NR2E1: variants seen among roughly 807,000 people sequenced by gnomAD.
The protein encoded by NR2E1 is nuclear receptor TLX.
NR2E1 carries 5 observed loss-of-function variants against 43.6 expected under a neutral mutation model. The ratio of observed to expected loss-of-function variants is 0.11; its 90% CI spans 0.06 to 0.24. The LOEUF (loss-of-function observed/expected upper bound fraction) is 0.24, where lower values mean the gene tolerates loss of function less well. Among genes scored for constraint, NR2E1 ranks in the 10% least tolerant of loss-of-function variants. The pLI is 1.00. For missense variants in NR2E1, 287 were observed against 496.7 expected, an observed-to-expected ratio of 0.58 and a Z score of 4.01; for synonymous variants, 191 against 195.5, an observed-to-expected ratio of 0.98 and a Z score of 0.19.
At chr6:108,167,371 C>T (rs1232958093) in intron 1 of NR2E1, among the ~76,000 whole-genome samples, 3 of 152,136 alleles carry the variant, frequency 2.0e-5, no homozygotes, top group Non-Finnish European at 2.9e-5. Context: ...GGACCAAATC[C>T]CTAATCCCAA....
At chr6:108,179,186 A>T (rs1199012367) in intron 5 of NR2E1, 1 of 152,250 alleles carries the variant, frequency 6.6e-6, no homozygotes, top group Non-Finnish European at 1.5e-5. Flanking sequence ...ATTTTCTAGC[A>T]TGAGATGTTC....
rs191711221 is a variant in NR2E1 at position 108,166,211 on chromosome 6, C to T, written c.-555C>T. 4.1e-3 allele frequency: 622 copies of T among 152,868 alleles called. 3 individuals are homozygous for T. The highest frequency in any genetic ancestry group is 7.3e-3 in the Admixed American group (111 of 15,310). The allele number at this position is 152,868 out of a possible 1,614,324, so 9.5% of individuals were successfully genotyped here. A position where few individuals can be genotyped will look rare whatever the true frequency, so the allele number is the denominator to read the frequency against. On this transcript the variant is annotated 5_prime_UTR_variant, in exon 1 of 9. Transcript: ENST00000368986. The surrounding 1 kb of genome is among the most constrained non-coding windows in gnomAD (Gnocchi z 7.2). ...GAAGATTTCCCAGCAATCTAGTTTT[C>T]CCACTCTGCGCTTGGGTTCCGGCAG...
intron 5 of NR2E1, among the ~76,000 whole-genome samples, chr6:108,178,529 A>C (rs1443982891): frequency 6.6e-6 from 1 of 152,226 alleles, no homozygotes; most frequent in Non-Finnish European, 1.5e-5. Context: ...TGGAACAGCA[A>C]ATATAATCTC....
At chr6:108,173,759 TTC>T (rs1472504438) in intron 2 of NR2E1, among the ~76,000 whole-genome samples, 1 of 152,216 alleles carries the variant, frequency 6.6e-6, no homozygotes, top group Non-Finnish European at 1.5e-5. Flanking sequence ...CTTAAATATT[TTC>T]TGTGTATAAA....
intron 1 of NR2E1, chr6:108,167,990 T>C (rs927291263): frequency 1.3e-6 from 2 of 1,558,788 alleles, no homozygotes; most frequent in Admixed American, 2.0e-5. Context: ...TTTAAAAAAT[T>C]AGAGCAAAAT....
At chr6:108,183,645 G>A (rs1774027174) in intron 8 of NR2E1, among the ~76,000 whole-genome samples, 1 of 152,158 alleles carries the variant, frequency 6.6e-6, no homozygotes, top group South Asian at 2.1e-4. Flanking sequence ...TCCATTTGGG[G>A]TGATACCACT....
rs1344022162 is a variant in NR2E1 at position 108,180,989 on chromosome 6, TC to T, written c.889+37del. 9 of 1,613,296 alleles carry T rather than the reference TC, an allele frequency of 5.6e-6. No homozygotes were observed. The highest frequency in any genetic ancestry group is 7.6e-6 in the Non-Finnish European group (9 of 1,179,528). On this transcript the variant is annotated intron_variant, in intron 7 of 8. Coordinates refer to ENST00000368986, the MANE Select transcript of NR2E1 (RefSeq NM_003269.5). This position sits in a 1 kb window ranked among gnomAD's most constrained non-coding sequence, Gnocchi z 5.4. ...GACACAGACCCCTGTTTCTTCTCCT[TC>T]CCCAGTTTTGCCACCTCACTAATTC... is the stretch of plus-strand genomic sequence containing the variant.
chr6:108,178,273 G>C lies in NR2E1; in HGVS notation c.642+32G>C, dbSNP rs759983374. On this transcript the variant is annotated intron_variant, in intron 5 of 8. Coordinates refer to ENST00000368986, the MANE Select transcript of NR2E1 (RefSeq NM_003269.5). ...CCACACTGAGGCCTTGGGAGAAAGA[G>C]AGCTGGGAAAGAAGCAGTAGCACTC... 29 of 1,613,692 alleles carry C rather than the reference G, an allele frequency of 1.8e-5. No homozygotes were observed. In the South Asian group the frequency reaches 2.9e-4, roughly 16 times the overall value.
intron 3 of NR2E1, among the ~76,000 whole-genome samples, chr6:108,175,211 G>T (rs1184036904): frequency 2.0e-5 from 3 of 152,206 alleles, no homozygotes; most frequent in Admixed American, 6.5e-5. Context: ...CAGGGGACCG[G>T]CGCGCATTTT....
chr6:108,170,907 A>G (rs1453081987), intron 1 of NR2E1, among the ~76,000 whole-genome samples: 3 of 152,210 alleles, frequency 2.0e-5, no homozygotes, highest in Non-Finnish European at 2.9e-5. Context: ...CCTTATTATC[A>G]TTAATAATCC....
Position 108,166,915 on chromosome 6 carries a change from G to T in NR2E1, c.25+125G>T. ...GCCCCTGAGAGGGATTCCAGCGGGC[G>T]TGTGCGTTCGGCCCAGACCTGTAGA... On this transcript the variant is annotated intron_variant, in intron 1 of 8. Coordinates refer to ENST00000368986, the MANE Select transcript of NR2E1 (RefSeq NM_003269.5). The surrounding 1 kb of genome is among the most constrained non-coding windows in gnomAD (Gnocchi z 7.2). 9.7e-7 allele frequency: 1 copy of T among 1,035,164 alleles called. No individual in the cohort carries two copies. The highest frequency in any genetic ancestry group is 1.4e-6 in the Non-Finnish European group (1 of 692,538). The allele number at this position is 1,035,164 out of a possible 1,614,324, so 64.1% of individuals were successfully genotyped here. A position where few individuals can be genotyped will look rare whatever the true frequency, so the allele number is the denominator to read the frequency against.
At position 108,169,161 on chromosome 6, in the gene NR2E1, C is replaced by G. The variant is rs1037525846; in HGVS notation, c.26-2297C>G. The stretch of plus-strand genomic sequence containing the variant: ...TGGCTGGGTGGCGGAGTCTGAGGCA[C>G]AGGCCCGCTATGCCCCGGAATTTTC... On this transcript the variant is annotated intron_variant, in intron 1 of 8. Transcript: ENST00000368986. This position sits in a 1 kb window ranked among gnomAD's most constrained non-coding sequence, Gnocchi z 6.1. Among the ~76,000 whole-genome samples the G allele has an allele frequency of 2.6e-5, 4 of 152,212 alleles. No homozygotes were observed. Among genetic ancestry groups the G allele is most frequent in the Non-Finnish European group, 5.9e-5 (4 of 68,042 alleles).
intron 4 of NR2E1, among the ~76,000 whole-genome samples, chr6:108,177,419 T>C (rs1253982805): frequency 2.0e-5 from 3 of 152,188 alleles, no homozygotes; most frequent in Non-Finnish European, 4.4e-5. Flanking sequence ...CTACAGCTGA[T>C]ACCTACTAAC....
rs1345919540 is a variant in NR2E1, at chr6:108,188,518, C to CAA, written c.*1056_*1057insAA. ...CCTTGAATGAACACACACACACACACACACACACACACACACACACACACA... is the reference window on the plus strand; with the variant it reads ...CCTTGAATGAACACACACACACACACAAACACACACACACACACACACACACA... On this transcript the variant is annotated 3_prime_UTR_variant, in exon 9 of 9. Transcript: ENST00000368986. 34 of 151,362 alleles carry CAA rather than the reference C, an allele frequency of 2.2e-4. No homozygotes were observed. The highest frequency in any genetic ancestry group is 8.0e-4 in the African/African-American group (33 of 41,166). The allele number at this position is 151,362 out of a possible 1,614,324, so 9.4% of individuals were successfully genotyped here.
At chr6:108,168,561 C>G (rs1483812228) in intron 1 of NR2E1, among the ~76,000 whole-genome samples, 1 of 152,254 alleles carries the variant, frequency 6.6e-6, no homozygotes, top group Non-Finnish European at 1.5e-5. Context: ...TTGCCAAGAG[C>G]CTGAGTGAGG....
In NR2E1 at chr6:108,176,465, C is replaced by T. The variant is rs370543731; in HGVS notation, c.260-38C>T. 206 of 1,600,534 alleles carry T rather than the reference C, an allele frequency of 1.3e-4. 11 individuals are homozygous for T. The highest frequency in any genetic ancestry group is 7.5e-4 in the South Asian group (68 of 90,398). On this transcript the variant is annotated intron_variant, in intron 3 of 8. Coordinates refer to ENST00000368986, the MANE Select transcript of NR2E1 (RefSeq NM_003269.5). The stretch of plus-strand genomic sequence containing the variant: ...CCGCAGCGGCTGTGTCTCGACGTCT[C>T]TAATCGCCGGCATGCGTTTCTCTGT...
At chr6:108,185,800 G>A (rs1774067659) in intron 8 of NR2E1, among the ~76,000 whole-genome samples, 1 of 152,186 alleles carries the variant, frequency 6.6e-6, no homozygotes, top group South Asian at 2.1e-4. Flanking sequence ...TAAAATAAGT[G>A]GGAGAGTAGA....
At chr6:108,181,908 G>A (rs1232344583) in intron 8 of NR2E1, among the ~76,000 whole-genome samples, 1 of 152,134 alleles carries the variant, frequency 6.6e-6, no homozygotes, top group African/African-American at 2.4e-5. Context: ...CAAAATAATG[G>A]AACAACATTT....
At position 108,180,024 on chromosome 6, in the gene NR2E1, A is replaced by G. The variant is rs1027475004; in HGVS notation, c.643-299A>G. 6.6e-6 allele frequency among the ~76,000 whole-genome samples: 1 copy of G among 152,026 alleles called. No homozygotes were observed. Among genetic ancestry groups the G allele is most frequent in the Non-Finnish European group, 1.5e-5 (1 of 67,994 alleles). ...GGCATTTCATAAAGCCTCGCTCTCT[A>G]GAGGAGCTTCTAGGTGGTCAGGAAT... is the stretch of plus-strand genomic sequence containing the variant. On this transcript the variant is annotated intron_variant, in intron 5 of 8. Coordinates refer to ENST00000368986, the MANE Select transcript of NR2E1 (RefSeq NM_003269.5). The surrounding 1 kb of genome is among the most constrained non-coding windows in gnomAD (Gnocchi z 5.4).
Sources: gnomAD v4.1 joint callset for allele counts (sites outside exome capture counted in the v4.1 genomes callset) on GRCh38, gnomAD v4.1.1 for gene constraint, Gnocchi (gnomAD v3.1) non-coding constraint, MANE v1.5 for transcripts, NCBI Gene and HGNC (gene_info 2026-07-23, HGNC 2026-07-21) for gene names.